The following NOL4L variants were observed in gnomAD, a reference collection of about 807,000 sequenced individuals.
The protein encoded by NOL4L is nucleolar protein 4-like.
NOL4L carries 7 observed loss-of-function variants against 64.5 expected under a neutral mutation model. That is an observed-to-expected ratio of 0.11 (90% CI 0.06 to 0.20). NOL4L has a LOEUF of 0.20. Ranked by LOEUF, NOL4L falls within the 10% of genes least tolerant of loss-of-function variation. NOL4L has a pLI of 1.00. For missense variants in NOL4L, 680 were observed against 967.1 expected (o/e 0.70, Z 3.94); for synonymous variants, 413 against 401.0 (o/e 1.03, Z -0.36).
intron 1 of NOL4L, among the ~76,000 whole-genome samples, chr20:32,564,488 G>C (rs1979297765): frequency 6.6e-6 from 1 of 152,206 alleles, no homozygotes; most frequent in African/African-American, 2.4e-5. Flanking sequence ...TCTCGCTGCT[G>C]AGCTTGTACT....
At chr20:32,526,049 C>T (rs564791117) in intron 2 of NOL4L, among the ~76,000 whole-genome samples, 8 of 149,808 alleles carry the variant, frequency 5.3e-5, no homozygotes, top group African/African-American at 1.5e-4. Context: ...TGAGCCACCA[C>T]GCCTGGCCCC....
chr20:32,546,841 C>G (rs943197325), intron 1 of NOL4L, among the ~76,000 whole-genome samples: 4 of 152,214 alleles, frequency 2.6e-5, no homozygotes, highest in Admixed American at 6.5e-5. Flanking sequence ...CTCCTTGGGT[C>G]AGGAGCTCCC....
intron 5 of NOL4L, among the ~76,000 whole-genome samples, chr20:32,473,945 G>A (rs1465476487): frequency 6.6e-6 from 1 of 152,292 alleles, no homozygotes; most frequent in Middle Eastern, 3.4e-3. Context: ...AACCACTTGG[G>A]GGAGTCCACG....
At position 32,464,303 on chromosome 20, in the gene NOL4L, G is replaced by A. The variant is rs1016550596; in HGVS notation, c.842-7908C>T. Among the ~76,000 whole-genome samples the A allele has an allele frequency of 6.6e-6, 1 of 152,210 alleles. No individual in the cohort carries two copies. Among genetic ancestry groups the A allele is most frequent in the South Asian group, 2.1e-4 (1 of 4,836 alleles). ...GGCAGGCTGCCCAGCTCTTCCTCCA[G>A]AAAGGCAGGAGGGGTGCAGGGGTCA... On this transcript the variant is annotated intron_variant, in intron 5 of 10. Coordinates refer to ENST00000621426, the MANE Select transcript of NOL4L (RefSeq NM_001256798.2). The surrounding 1 kb of genome is among the most constrained non-coding windows in gnomAD (Gnocchi z 5.6).
intron 1 of NOL4L, among the ~76,000 whole-genome samples, chr20:32,567,994 C>T (rs1189036109): frequency 6.6e-6 from 1 of 151,956 alleles, no homozygotes; most frequent in Non-Finnish European, 1.5e-5. Context: ...TCACCATCAT[C>T]ACCATATTCA....
At chr20:32,452,161 C>A in intron 10 of NOL4L, 75 bp downstream of exon 10, 1 of 1,333,492 alleles carries the variant, frequency 7.5e-7, no homozygotes, top group Admixed American at 2.9e-5. Context: ...CTCCCCATTC[C>A]GCTGCCCAGG....
rs574975126 is a variant in NOL4L, at chr20:32,456,448, C to T, written c.842-53G>A. ...CCCACCCAAGGCACTGTGGCCACTGCAGCCACCTCGGAGTATCCCACCCTG... is the reference window on the plus strand; with the variant it reads ...CCCACCCAAGGCACTGTGGCCACTGTAGCCACCTCGGAGTATCCCACCCTG... On this transcript the variant is annotated intron_variant, in intron 5 of 10. Transcript: ENST00000621426. 78 of 1,412,320 alleles carry T rather than the reference C, an allele frequency of 5.5e-5. No homozygotes were observed. In the African/African-American group the frequency reaches 1.1e-3, roughly 19 times the overall value. The allele number at this position is 1,412,320 out of a possible 1,614,324, so 87.5% of individuals were successfully genotyped here.
At chr20:32,564,627 T>G (rs879311960) in intron 1 of NOL4L, among the ~76,000 whole-genome samples, 1 of 152,240 alleles carries the variant, frequency 6.6e-6, no homozygotes, top group Admixed American at 6.5e-5. Flanking sequence ...GTATGTCCTG[T>G]GTGCTTCAGG....
intron 3 of NOL4L, among the ~76,000 whole-genome samples, chr20:32,518,134 C>T (rs1453047194): frequency 6.6e-6 from 1 of 152,220 alleles, no homozygotes; most frequent in African/African-American, 2.4e-5. Flanking sequence ...CGGGCTCCTG[C>T]TCCCTCAGCG....
chr20:32,478,729 C>T (rs1040129860), intron 4 of NOL4L, among the ~76,000 whole-genome samples: 2 of 152,184 alleles, frequency 1.3e-5, no homozygotes, highest in Non-Finnish European at 2.9e-5. Flanking sequence ...GGAGCTGGCA[C>T]TACAGGCATA....
chr20:32,538,158 C>G (rs1015446621), intron 1 of NOL4L, among the ~76,000 whole-genome samples: 3 of 152,186 alleles, frequency 2.0e-5, no homozygotes, highest in Admixed American at 2.0e-4. Flanking sequence ...TTCTAGGCCA[C>G]CCCTTCCATT....
intron 1 of NOL4L, among the ~76,000 whole-genome samples, chr20:32,546,464 T>C (rs2018735350): frequency 6.6e-6 from 1 of 151,936 alleles, no homozygotes; most frequent in Admixed American, 6.6e-5. Context: ...TTTTTTGAGA[T>C]GGAGTTTCAT....
At chr20:32,543,204 A>G (rs908800981) in intron 1 of NOL4L, among the ~76,000 whole-genome samples, 7 of 152,202 alleles carry the variant, frequency 4.6e-5, no homozygotes, top group African/African-American at 1.7e-4. Flanking sequence ...GCGTGAAGGA[A>G]GGCTTCACAG....
chr20:32,462,900 T>A (rs1177107840), intron 5 of NOL4L, among the ~76,000 whole-genome samples: 1 of 40,408 alleles, frequency 2.5e-5, no homozygotes, highest in Admixed American at 2.9e-4. Context: ...CGAGACTCTG[T>A]CTTAAAAAAA....
intron 4 of NOL4L, among the ~76,000 whole-genome samples, chr20:32,490,694 G>A (rs1423416202): frequency 6.6e-6 from 1 of 152,150 alleles, no homozygotes; most frequent in African/African-American, 2.4e-5. Flanking sequence ...AACTGAGCCT[G>A]ACTTGTTGAA....
intron 1 of NOL4L, among the ~76,000 whole-genome samples, chr20:32,537,639 T>C (rs892218195): frequency 3.9e-5 from 6 of 152,154 alleles, no homozygotes. Context: ...GTGGCTGAAA[T>C]CCAGCACACA....
intron 2 of NOL4L, among the ~76,000 whole-genome samples, chr20:32,526,165 T>C (rs1046250455): frequency 6.6e-6 from 1 of 152,158 alleles, no homozygotes. Context: ...GCTGGGATTA[T>C]AGGTGTCAAC....
intron 10 of NOL4L, among the ~76,000 whole-genome samples, chr20:32,448,569 T>TCC (rs1175714890): frequency 1.3e-5 from 2 of 151,794 alleles, no homozygotes; most frequent in South Asian, 4.2e-4. Context: ...GCACCTCGAA[T>TCC]CCCCCCTCCT....
chr20:32,584,365 G>C (rs919813695), intron 1 of NOL4L, among the ~76,000 whole-genome samples: 8 of 151,586 alleles, frequency 5.3e-5, no homozygotes, highest in African/African-American at 1.9e-4. Flanking sequence ...GCGGAGGGGG[G>C]CAGGGACGCC....
Sources: allele counts gnomAD v4.1 joint callset (sites outside exome capture counted in the v4.1 genomes callset), GRCh38; gene constraint gnomAD v4.1.1; non-coding constraint Gnocchi (gnomAD v3.1); transcripts MANE v1.5; gene names NCBI Gene and HGNC (gene_info 2026-07-23, HGNC 2026-07-21).